Variants in MON2 observed in about 807,000 individuals in gnomAD.
MON2 encodes the protein MON2 regulator of endosome-to-Golgi trafficking.
In MON2, 84 loss-of-function variants were observed where a neutral mutation model predicts 208.6. The ratio of observed to expected loss-of-function variants is 0.40; its 90% confidence interval spans 0.34 to 0.48. The LOEUF (loss-of-function observed/expected upper bound fraction) is 0.48. Among genes scored for constraint, MON2 ranks in the 20% least tolerant of loss-of-function variants. The probability of loss-of-function intolerance (pLI) is 0.59; values close to 1 mark genes in which losing one functional copy is unlikely to be tolerated. For missense variants in MON2, 1,611 were observed against 2,015.4 expected, an observed-to-expected ratio of 0.80 and a Z score of 3.84; for synonymous variants, 660 against 694.0, an observed-to-expected ratio of 0.95 and a Z score of 0.77.
Position 62,467,061 on chromosome 12 carries a change from C to T in MON2, c.-147C>T. 3.2e-6 allele frequency: 2 copies of T among 628,176 alleles called. No individual in the cohort carries two copies. Among genetic ancestry groups the T allele is most frequent in the Non-Finnish European group, 5.6e-6 (2 of 358,826 alleles). 38.9% of individuals were successfully genotyped at this position (628,176 alleles called of 1,614,324 possible). On this transcript the variant is annotated 5_prime_UTR_variant, in exon 1 of 35. Transcript: ENST00000393630. ...GGGAAGCTGCTGGGGGACGCTCGAG[C>T]AGGCTCCGGGTTCGCAGCCCAGGGC...
In MON2 at chr12:62,545,360, A is replaced by T. The variant is rs1326662655; in HGVS notation, c.2577+352A>T. Among the ~76,000 whole-genome samples, 4 of 150,892 alleles carry T rather than the reference A, an allele frequency of 2.7e-5. No homozygotes were observed. The South Asian group carries it at 6.2e-4, about 24-fold the overall frequency. On this transcript the variant is annotated intron_variant, in intron 21 of 34. Transcript: ENST00000393630. Reference sequence around the variant, plus strand: ...TTTTTTTTTTTCTCACTACCCTTACATGGGGAGAAAATAAGTGGCAGAAGA... The same window carrying T: ...TTTTTTTTTTTCTCACTACCCTTACTTGGGGAGAAAATAAGTGGCAGAAGA...
chr12:62,524,019 A>G (rs906291086), intron 8 of MON2, among the ~76,000 whole-genome samples: 1 of 152,138 alleles, frequency 6.6e-6, no homozygotes, highest in Non-Finnish European at 1.5e-5. Flanking sequence ...TCTAATAGTT[A>G]TATACTTTAC....
intron 32 of MON2, among the ~76,000 whole-genome samples, chr12:62,584,676 C>T (rs1308021895): frequency 7.4e-6 from 1 of 134,866 alleles, no homozygotes; most frequent in Non-Finnish European, 1.5e-5. Context: ...GCACTCCTGC[C>T]TGGGCAACAA....
At chr12:62,570,494 C>T (rs117991934) in intron 29 of MON2, among the ~76,000 whole-genome samples, 4 of 152,148 alleles carry the variant, frequency 2.6e-5, no homozygotes, top group East Asian at 1.9e-4. Context: ...GCTTAAGGAC[C>T]GAGATACGTT....
At chr12:62,488,826 A>T (rs1592846605) in intron 2 of MON2, among the ~76,000 whole-genome samples, 1 of 151,984 alleles carries the variant, frequency 6.6e-6, no homozygotes, top group Middle Eastern at 3.4e-3. Flanking sequence ...TTTTTCTTTG[A>T]TGCCAGTCTT....
intron 32 of MON2, among the ~76,000 whole-genome samples, chr12:62,583,786 TAAA>T (rs776705735): frequency 2.4e-5 from 3 of 125,556 alleles, no homozygotes; most frequent in African/African-American, 2.9e-5. Context: ...CTGTCTCTAC[TAAA>T]AAAAAAAAAA....
chr12:62,525,789 G>A (rs1383532906), intron 10 of MON2, among the ~76,000 whole-genome samples, 160 bp from the exon 11 acceptor site: 1 of 152,174 alleles, frequency 6.6e-6, no homozygotes, highest in Non-Finnish European at 1.5e-5. Context: ...AACATTCTCT[G>A]ATAGACAAAG....
intron 1 of MON2, among the ~76,000 whole-genome samples, chr12:62,469,367 T>G (rs2068675634): frequency 6.6e-6 from 1 of 152,144 alleles, no homozygotes; most frequent in Non-Finnish European, 1.5e-5. Flanking sequence ...ACAAAAAAGC[T>G]TATTGGTTTT....
At chr12:62,539,955 CA>C (rs2073159533) in intron 19 of MON2, among the ~76,000 whole-genome samples, 1 of 151,818 alleles carries the variant, frequency 6.6e-6, no homozygotes, top group Non-Finnish European at 1.5e-5. Flanking sequence ...GGCGACAGAG[CA>C]AGACTCTGTC....
Position 62,537,955 on chromosome 12 carries a change from G to A in MON2, c.2119-141G>A. The A allele has an allele frequency of 4.2e-6, 3 of 712,798 alleles. No homozygotes were observed. The South Asian group carries it at 5.8e-5, about 14-fold the overall frequency. 44.2% of individuals were successfully genotyped at this position (712,798 alleles called of 1,614,324 possible). Reference sequence around the variant, plus strand: ...AATTATTTTATATGAATGTTAATTAGTGATTTTAGTTTTAGGTTTTAAAAA... The same window carrying A: ...AATTATTTTATATGAATGTTAATTAATGATTTTAGTTTTAGGTTTTAAAAA... On this transcript the variant is annotated intron_variant, in intron 16 of 34. Transcript: ENST00000393630.
At chr12:62,533,433 T>C (rs1234207567) in intron 12 of MON2, among the ~76,000 whole-genome samples, 1 of 152,220 alleles carries the variant, frequency 6.6e-6, no homozygotes, top group Non-Finnish European at 1.5e-5. Context: ...TCACTTATAT[T>C]AGTGTAGATT....
chr12:62,583,398 T>C (rs2075075288), intron 32 of MON2, among the ~76,000 whole-genome samples: 2 of 148,362 alleles, frequency 1.3e-5, no homozygotes, highest in Admixed American at 6.7e-5. Context: ...CAGTGAAAGG[T>C]AGAAAGGAGA....
At chr12:62,551,767 C>T (rs1224201779) in intron 23 of MON2, among the ~76,000 whole-genome samples, 1 of 152,128 alleles carries the variant, frequency 6.6e-6, no homozygotes. Flanking sequence ...AATAAACATG[C>T]ACAGAATTGT....
intron 10 of MON2, 28 bp from the exon 11 acceptor site, chr12:62,525,919 CTT>C (rs879832161): frequency 3.1e-6 from 5 of 1,601,754 alleles, no homozygotes; most frequent in Non-Finnish European, 3.4e-6. Context: ...AAATTAGTGT[CTT>C]TTCTTTTTTT....
intron 33 of MON2, among the ~76,000 whole-genome samples, chr12:62,587,193 C>T (rs1416826786): frequency 6.6e-6 from 1 of 152,096 alleles, no homozygotes; most frequent in African/African-American, 2.4e-5. Flanking sequence ...TTGCTAATGT[C>T]TCCAAATAGT....
intron 30 of MON2, among the ~76,000 whole-genome samples, chr12:62,572,620 A>G (rs541414044): frequency 1.1e-4 from 17 of 151,996 alleles, no homozygotes; most frequent in Non-Finnish European, 1.9e-4. Flanking sequence ...TAATTTTAAA[A>G]TTTTTTGTAG....
chr12:62,564,974 C>A, intron 26 of MON2: 1 of 309,072 alleles, frequency 3.2e-6, no homozygotes, highest in Non-Finnish European at 5.9e-6. Flanking sequence ...CCTGGGACTT[C>A]ACTTTGTTGG....
chr12:62,582,807 G>GCCA (rs2075050219), intron 32 of MON2, among the ~76,000 whole-genome samples: 1 of 152,022 alleles, frequency 6.6e-6, no homozygotes, highest in East Asian at 1.9e-4. Flanking sequence ...AAACACAGAG[G>GCCA]TTCCAGTGAT....
intron 32 of MON2, among the ~76,000 whole-genome samples, chr12:62,582,376 C>A (rs2075035403): frequency 6.6e-6 from 1 of 152,188 alleles, no homozygotes; most frequent in Non-Finnish European, 1.5e-5. Flanking sequence ...TTTTCCAACA[C>A]CTGGGAAGCT....
Sources: allele counts gnomAD v4.1 joint callset (sites outside exome capture counted in the v4.1 genomes callset), GRCh38; gene constraint gnomAD v4.1.1; transcripts MANE v1.5; gene names NCBI Gene and HGNC (gene_info 2026-07-23, HGNC 2026-07-21).